SEC22C: variants seen among roughly 807,000 people sequenced by gnomAD.
SEC22C encodes vesicle-trafficking protein SEC22c.
A neutral mutation model predicts 34.7 loss-of-function variants in SEC22C; 29 were observed. That is an observed-to-expected ratio of 0.84 (90% CI 0.62 to 1.14). SEC22C has a LOEUF of 1.14. Among genes scored for constraint, SEC22C ranks in the 50% most tolerant of loss-of-function variants. The probability of loss-of-function intolerance (pLI) is 0.00; values close to 1 mark genes in which losing one functional copy is unlikely to be tolerated. For missense variants in SEC22C, 337 were observed against 369.0 expected (o/e 0.91, Z 0.71); for synonymous variants, 117 against 132.8 (o/e 0.88, Z 0.82).
chr3:42,566,627 C>T (rs934590216), intron 2 of SEC22C: 30 of 159,666 alleles, frequency 1.9e-4, no homozygotes, highest in Non-Finnish European at 3.2e-4. Flanking sequence ...TGCAGTGAGC[C>T]GAGATCGTGC....
At chr3:42,581,567 C>A (rs1704352494) in intron 1 of SEC22C, among the ~76,000 whole-genome samples, 1 of 152,280 alleles carries the variant, frequency 6.6e-6, no homozygotes. Flanking sequence ...TCTCTTCCAA[C>A]TGGGAGAAGC....
chr3:42,572,937 T>G (rs1430067761), intron 1 of SEC22C, among the ~76,000 whole-genome samples: 1 of 152,214 alleles, frequency 6.6e-6, no homozygotes, highest in Non-Finnish European at 1.5e-5. Context: ...CAATCATGGC[T>G]CACTGCAGCC....
Position 42,551,334 on chromosome 3 carries a change from T to A in SEC22C, c.*1914A>T. ...AGTTTATGTCTGAGTATGCTGCCAA[T>A]ATAATTTTCATATTCAGACTTTTTA... is the stretch of plus-strand genomic sequence containing the variant. On this transcript the variant is annotated 3_prime_UTR_variant, in exon 7 of 7. Transcript: ENST00000264454. 1 of 985,334 alleles carries A rather than the reference T, an allele frequency of 1.0e-6. No individual in the cohort carries two copies. Among genetic ancestry groups the A allele is most frequent in the Non-Finnish European group, 1.2e-6 (1 of 829,890 alleles). 61.0% of individuals were successfully genotyped at this position (985,334 alleles called of 1,614,324 possible). A position where few individuals can be genotyped will look rare whatever the true frequency, so the allele number is the denominator to read the frequency against.
At chr3:42,573,595 AG>A (rs1302575368) in intron 1 of SEC22C, 5 of 152,230 alleles carry the variant, frequency 3.3e-5, no homozygotes, top group African/African-American at 1.2e-4. Flanking sequence ...ATGCTTTGGG[AG>A]GCCAAGGCAA....
intron 2 of SEC22C, chr3:42,566,603 C>G (rs557923719): frequency 6.4e-6 from 1 of 157,088 alleles, no homozygotes; most frequent in Admixed American, 6.4e-5. Flanking sequence ...GGTGTGAACC[C>G]AAGAGGCAGA....
At chr3:42,555,602 T>G (rs563693628) in intron 6 of SEC22C, among the ~76,000 whole-genome samples, 2 of 152,346 alleles carry the variant, frequency 1.3e-5, no homozygotes, top group East Asian at 1.9e-4. Context: ...CACTCACTAG[T>G]CAGGCCTAAT....
At chr3:42,594,491 T>C in intron 1 of SEC22C, 1 of 1,613,756 alleles carries the variant, frequency 6.2e-7, no homozygotes, top group Non-Finnish European at 8.5e-7. Flanking sequence ...CAACCAGCAC[T>C]TCAAAAGCAA....
In SEC22C at chr3:42,551,643, C is replaced by G; in HGVS notation, c.*1605G>C. 2 of 953,354 alleles carry G rather than the reference C, an allele frequency of 2.1e-6. No homozygotes were observed. The highest frequency in any genetic ancestry group is 2.5e-6 in the Non-Finnish European group (2 of 800,806). The allele number at this position is 953,354 out of a possible 1,614,324, so 59.1% of individuals were successfully genotyped here. On this transcript the variant is annotated 3_prime_UTR_variant, in exon 7 of 7. Transcript: ENST00000264454. ...ATGAGCCATCATGCCTGGCCCATAT[C>G]CAAATATTTTATGTTTGGTCAAAAA...
Position 42,548,570 on chromosome 3 carries a change from G to T in SEC22C, c.*4678C>A. 2 of 1,606,820 alleles carry T rather than the reference G, an allele frequency of 1.2e-6. No homozygotes were observed. On this transcript the variant is annotated 3_prime_UTR_variant, in exon 7 of 7. Transcript: ENST00000264454. ...CAGAAGTTTGACATCACTGCTCCCG[G>T]ATGGGAGAATCAGAGCTCTCCTCAT...
rs1702319001 is a variant in SEC22C at position 42,552,964 on chromosome 3, C to T, written c.*284G>A. The T allele has an allele frequency of 8.3e-7, 1 of 1,201,540 alleles. No homozygotes were observed. The highest frequency in any genetic ancestry group is 2.4e-5 in the South Asian group (1 of 41,858). 74.4% of individuals were successfully genotyped at this position (1,201,540 alleles called of 1,614,324 possible). ...AAAGACCAAAATATTTCCTTTCTCT[C>T]TTCCAATAAAGCTCTTTCTGGATGA... On this transcript the variant is annotated 3_prime_UTR_variant, in exon 7 of 7. Coordinates refer to ENST00000264454, the MANE Select transcript of SEC22C (RefSeq NM_032970.4).
intron 1 of SEC22C, among the ~76,000 whole-genome samples, chr3:42,578,311 G>T (rs558944544): frequency 2.0e-5 from 3 of 152,110 alleles, no homozygotes; most frequent in Non-Finnish European, 4.4e-5. Flanking sequence ...TAAAAAGCCC[G>T]TATCAAAAGG....
At chr3:42,596,926 G>A (rs1008336787) in intron 1 of SEC22C, among the ~76,000 whole-genome samples, 2 of 152,166 alleles carry the variant, frequency 1.3e-5, no homozygotes, top group Non-Finnish European at 2.9e-5. Context: ...TCATTCCTGA[G>A]CTCTAAAACC....
Position 42,552,118 on chromosome 3 carries a change from T to A in SEC22C, c.*1130A>T. On this transcript the variant is annotated 3_prime_UTR_variant, in exon 7 of 7. Transcript: ENST00000264454. ...TTTGGAAAACTGTGATCAATCAATT[T>A]TTTGACAGTGAAAGAGAGTAACTTT... is the stretch of plus-strand genomic sequence containing the variant. 2.0e-6 allele frequency: 2 copies of A among 985,442 alleles called. No homozygotes were observed. Among genetic ancestry groups the A allele is most frequent in the Non-Finnish European group, 2.4e-6 (2 of 829,914 alleles). 61.0% of individuals were successfully genotyped at this position (985,442 alleles called of 1,614,324 possible). A position where few individuals can be genotyped will look rare whatever the true frequency, so the allele number is the denominator to read the frequency against.
intron 1 of SEC22C, among the ~76,000 whole-genome samples, chr3:42,571,998 A>C (rs1316577107): frequency 2.6e-5 from 4 of 152,146 alleles, no homozygotes; most frequent in Non-Finnish European, 5.9e-5. Flanking sequence ...GTGTCACTGC[A>C]CTCCAACCTA....
chr3:42,550,947 C>T lies in SEC22C; in HGVS notation c.*2301G>A. 3.8e-6 allele frequency: 3 copies of T among 787,328 alleles called. No homozygotes were observed. Among genetic ancestry groups the T allele is most frequent in the Non-Finnish European group, 4.6e-6 (3 of 651,692 alleles). The allele number at this position is 787,328 out of a possible 1,614,324, so 48.8% of individuals were successfully genotyped here. Reference sequence around the variant, plus strand: ...GCAGTGGCTCGATCTCGGCTCACTGCAACCTCCACCTCCCGGGTTCAAGAG... The same window carrying T: ...GCAGTGGCTCGATCTCGGCTCACTGTAACCTCCACCTCCCGGGTTCAAGAG... On this transcript the variant is annotated 3_prime_UTR_variant, in exon 7 of 7. Transcript: ENST00000264454.
intron 2 of SEC22C, among the ~76,000 whole-genome samples, chr3:42,565,457 T>A (rs1027887248): frequency 3.3e-5 from 5 of 152,192 alleles, no homozygotes; most frequent in Admixed American, 6.5e-5. Flanking sequence ...ACCCCTGGTG[T>A]GGGTTGAGTT....
Position 42,561,251 on chromosome 3 carries a change from G to C in SEC22C, c.392C>G (p.Ser131Cys), listed in dbSNP as rs768368487. 6.2e-7 allele frequency: 1 copy of C among 1,614,172 alleles called. No individual in the cohort carries two copies. The highest frequency in any genetic ancestry group is 1.1e-5 in the South Asian group (1 of 91,080). The change falls in exon 4 of 7, where the codon TCC becomes TGC. Residue 131 changes from serine to cysteine, a missense_variant. Physicochemically the swap from Ser to Cys is moderately radical, Grantham distance 112. Transcript: ENST00000264454. ...KVKWHFNYVSSSQMECSLEKI... is the reference protein window; with the variant it reads ...KVKWHFNYVSCSQMECSLEKI... Reference sequence around the variant, plus strand: ...TTCCAAGCTGCACTCCATCTGAGAGGAACTTACATAGTTAAAATGCCACTT... The same window carrying C: ...TTCCAAGCTGCACTCCATCTGAGAGCAACTTACATAGTTAAAATGCCACTT...
intron 1 of SEC22C, chr3:42,591,523 A>G: frequency 6.2e-7 from 1 of 1,612,546 alleles, no homozygotes; most frequent in Non-Finnish European, 8.5e-7. Flanking sequence ...CTGATCTTTC[A>G]GCTCCTTGAG....
At chr3:42,564,082 T>A in intron 2 of SEC22C, 1 of 478,650 alleles carries the variant, frequency 2.1e-6, no homozygotes, top group Non-Finnish European at 3.4e-6. Context: ...TCTAAGTTCC[T>A]ACATATTCAT....
Sources: allele counts gnomAD v4.1 joint callset (sites outside exome capture counted in the v4.1 genomes callset), GRCh38; gene constraint gnomAD v4.1.1; transcripts MANE v1.5; gene names NCBI Gene and HGNC (gene_info 2026-07-23, HGNC 2026-07-21).